Variants in FAM135B observed in about 807,000 individuals in gnomAD.
The protein encoded by FAM135B is family with sequence similarity 135 member B.
FAM135B carries 43 observed loss-of-function variants against 127.7 expected under a neutral mutation model. That is an observed-to-expected ratio of 0.34 (90% confidence interval 0.26 to 0.43). The LOEUF is 0.43. Ranked by LOEUF, FAM135B falls within the 20% of genes least tolerant of loss-of-function variation. FAM135B has a pLI of 1.00. For missense variants in FAM135B, 1,558 were observed against 1,725.6 expected (o/e 0.90, Z 1.72); for synonymous variants, 670 against 665.1 (o/e 1.01, Z -0.11).
At chr8:138,212,694 C>T (rs1818234442) in intron 7 of FAM135B, among the ~76,000 whole-genome samples, 1 of 152,186 alleles carries the variant, frequency 6.6e-6, no homozygotes, top group Non-Finnish European at 1.5e-5. Flanking sequence ...ATAGATGGCA[C>T]TTTCATTTTC....
chr8:138,206,316 C>T (rs145869220), intron 7 of FAM135B, among the ~76,000 whole-genome samples: 111 of 76,952 alleles, frequency 1.4e-3, no homozygotes, highest in East Asian at 3.5e-3. Context: ...CACCTACCCA[C>T]AGCTCTATCA....
chr8:138,204,030 G>C (rs1308617288), intron 7 of FAM135B, among the ~76,000 whole-genome samples: 2 of 152,140 alleles, frequency 1.3e-5, no homozygotes, highest in East Asian at 3.9e-4. Flanking sequence ...GTGATGGAGA[G>C]TGGCTGTAAA....
intron 12 of FAM135B, among the ~76,000 whole-genome samples, chr8:138,155,268 C>T (rs543209042): frequency 6.6e-6 from 1 of 152,180 alleles, no homozygotes; most frequent in African/African-American, 2.4e-5. Flanking sequence ...CACCACCAGG[C>T]CTGCCTTACA....
rs761739862 is a variant in FAM135B at position 138,243,117 on chromosome 8, T to C, written c.543-49A>G. On this transcript the variant is annotated intron_variant, in intron 6 of 19. Coordinates refer to ENST00000395297, the MANE Select transcript of FAM135B (RefSeq NM_015912.4). The surrounding 1 kb of genome is among the most constrained non-coding windows in gnomAD (Gnocchi z 7.5). ...GTGAAAAAGGAGGTAAAGAAAGTGA[T>C]GGTGCCATTAACTCAGCCCCTTTGA... 2.5e-5 allele frequency: 39 copies of C among 1,574,284 alleles called. No individual in the cohort carries two copies. The highest frequency in any genetic ancestry group is 3.1e-5 in the Non-Finnish European group (36 of 1,161,544).
At chr8:138,385,535 G>A (rs114265325) in intron 1 of FAM135B, among the ~76,000 whole-genome samples, 2,903 of 152,334 alleles carry the variant, frequency 0.019, 83 homozygotes, top group African/African-American at 0.066. Context: ...AAGGGGCCTG[G>A]CGAGGTGGCT....
chr8:138,441,503 T>C (rs1835763749), intron 1 of FAM135B: 1 of 152,224 alleles, frequency 6.6e-6, no homozygotes, highest in Admixed American at 6.5e-5. Context: ...AGCATCACTA[T>C]TGTGTGAAGA....
intron 1 of FAM135B, among the ~76,000 whole-genome samples, chr8:138,372,104 C>T (rs142591835): frequency 6.6e-6 from 1 of 152,204 alleles, no homozygotes; most frequent in Admixed American, 6.5e-5. Flanking sequence ...AATGAGGAGG[C>T]CTTTGCCATG....
At chr8:138,184,467 C>A (rs955816105) in intron 9 of FAM135B, among the ~76,000 whole-genome samples, 4 of 152,180 alleles carry the variant, frequency 2.6e-5, no homozygotes, top group Admixed American at 6.5e-5. Flanking sequence ...AGGGCTCCCC[C>A]ATACGGGGCC....
intron 1 of FAM135B, among the ~76,000 whole-genome samples, chr8:138,420,177 G>C (rs907850591): frequency 6.7e-6 from 1 of 148,226 alleles, no homozygotes; most frequent in Admixed American, 6.8e-5. Flanking sequence ...TGACCCAACA[G>C]GAATACAGAA....
chr8:138,337,519 G>T (rs1281145316), intron 2 of FAM135B, among the ~76,000 whole-genome samples: 1 of 151,736 alleles, frequency 6.6e-6, no homozygotes, highest in Non-Finnish European at 1.5e-5. Context: ...TTGCTTCAAA[G>T]AGAATAAAAT....
At chr8:138,476,636 A>C (rs975527647) in intron 1 of FAM135B, among the ~76,000 whole-genome samples, 4 of 152,142 alleles carry the variant, frequency 2.6e-5, no homozygotes, top group Non-Finnish European at 4.4e-5. Flanking sequence ...CTCAGGAATA[A>C]TTTTTAAATA....
intron 3 of FAM135B, among the ~76,000 whole-genome samples, chr8:138,300,230 C>G (rs1825785392): frequency 6.6e-6 from 1 of 151,016 alleles, no homozygotes; most frequent in Non-Finnish European, 1.5e-5. Flanking sequence ...GTCCTTATAC[C>G]CGTGTCCCTC....
intron 2 of FAM135B, among the ~76,000 whole-genome samples, chr8:138,352,907 C>T (rs1007115475): frequency 9.2e-5 from 14 of 152,142 alleles, no homozygotes; most frequent in African/African-American, 3.4e-4. Flanking sequence ...TGTCACACTG[C>T]TCAGTACATG....
intron 1 of FAM135B, among the ~76,000 whole-genome samples, chr8:138,391,713 T>C (rs781266243): frequency 6.8e-6 from 1 of 146,566 alleles, no homozygotes; most frequent in African/African-American, 2.5e-5. Flanking sequence ...ATTCCCTCCA[T>C]GTCAGGCACT....
intron 7 of FAM135B, among the ~76,000 whole-genome samples, chr8:138,239,385 T>TC (rs1287392184): frequency 6.6e-6 from 1 of 152,262 alleles, no homozygotes; most frequent in African/African-American, 2.4e-5. Context: ...TTCATATCCT[T>TC]CACCCACTTG....
intron 1 of FAM135B, among the ~76,000 whole-genome samples, chr8:138,476,623 G>C (rs1447117777): frequency 6.6e-6 from 1 of 152,002 alleles, no homozygotes; most frequent in Admixed American, 6.6e-5. Flanking sequence ...ATCTCCTGCA[G>C]AACTCAGGAA....
At chr8:138,352,099 T>A (rs149208858) in intron 2 of FAM135B, among the ~76,000 whole-genome samples, 45 of 152,278 alleles carry the variant, frequency 3.0e-4, no homozygotes, top group African/African-American at 1.1e-3. Context: ...AGGGGCCACA[T>A]GAAGGCTGAC....
intron 2 of FAM135B, among the ~76,000 whole-genome samples, chr8:138,346,130 A>T (rs1829395310): frequency 6.6e-6 from 1 of 152,214 alleles, no homozygotes; most frequent in African/African-American, 2.4e-5. Context: ...CAGAATGGTG[A>T]TTATTAAAAA....
At chr8:138,418,997 A>ATATGAATATTAACCTTGAACATAAAC (rs1834333296) in intron 1 of FAM135B, among the ~76,000 whole-genome samples, 1 of 152,180 alleles carries the variant, frequency 6.6e-6, no homozygotes, top group Non-Finnish European at 1.5e-5. Flanking sequence ...AAATCCTTAC[A>ATATGAATATTAACCTTGAACATAAAC]TATGAATATT....
Sources: gnomAD v4.1 joint callset for allele counts (sites outside exome capture counted in the v4.1 genomes callset) on GRCh38, gnomAD v4.1.1 for gene constraint, Gnocchi (gnomAD v3.1) non-coding constraint, MANE v1.5 for transcripts, NCBI Gene and HGNC (gene_info 2026-07-23, HGNC 2026-07-21) for gene names.